Variants in MYO9B observed in about 807,000 individuals in gnomAD.
MYO9B encodes the protein myosin IXB.
A neutral mutation model predicts 229.5 loss-of-function variants in MYO9B; 71 were observed. The observed-to-expected ratio is 0.31, with a 90% CI of 0.26 to 0.38. MYO9B has a LOEUF of 0.38. Ranked by LOEUF, MYO9B falls within the 10% of genes least tolerant of loss-of-function variation. The pLI is 1.00. For missense variants in MYO9B, 2,255 were observed against 2,920.5 expected (o/e 0.77, Z 5.25); for synonymous variants, 1,185 against 1,235.8 (o/e 0.96, Z 0.86).
rs764273339 is a variant in MYO9B at position 17,145,417 on chromosome 19, A to G, written c.861A>G (p.Thr287=). The G allele has an allele frequency of 2.1e-5, 34 of 1,614,042 alleles. No homozygotes were observed. The South Asian group carries it at 2.5e-4, about 12-fold the overall frequency. The change falls in exon 3 of 40, where the codon ACA becomes ACG. Residue 287 remains threonine (T), a synonymous_variant. Transcript: ENST00000682292. ...TGCAGGCTTTTGGAAATGCCAAGAC[A>G]GCCCACAACAACAACTCCAGCCGGT... ...PVLEAFGNAK[T]AHNNNSSRFG...
At chr19:17,079,038 C>T (rs1430433930) in intron 1 of MYO9B, among the ~76,000 whole-genome samples, 1 of 152,216 alleles carries the variant, frequency 6.6e-6, no homozygotes, top group Admixed American at 6.5e-5. Flanking sequence ...CTGGCTGTCA[C>T]CCATGAGATG....
At chr19:17,183,567 CTT>C (rs748961557) in intron 15 of MYO9B, among the ~76,000 whole-genome samples, 3 of 152,246 alleles carry the variant, frequency 2.0e-5, no homozygotes, top group Non-Finnish European at 4.4e-5. Flanking sequence ...AGACTAAACA[CTT>C]TACTCAGCTT....
intron 18 of MYO9B, among the ~76,000 whole-genome samples, chr19:17,187,018 G>T (rs1011291285): frequency 6.6e-6 from 1 of 152,054 alleles, no homozygotes; most frequent in African/African-American, 2.4e-5. Flanking sequence ...GTAAGCCACC[G>T]CGCCCAGCAC....
intron 1 of MYO9B, among the ~76,000 whole-genome samples, chr19:17,097,075 G>A (rs1044138514): frequency 2.0e-5 from 3 of 151,760 alleles, no homozygotes; most frequent in Non-Finnish European, 2.9e-5. Context: ...AGGCCGAGGC[G>A]GGTGGATCAC....
At chr19:17,159,689 C>G (rs11673417) in intron 8 of MYO9B, among the ~76,000 whole-genome samples, 2,795 of 152,334 alleles carry the variant, frequency 0.018, 34 homozygotes, top group Middle Eastern at 0.092. Context: ...GAACTTGAGC[C>G]ACATGCATTC....
intron 14 of MYO9B, among the ~76,000 whole-genome samples, chr19:17,176,022 T>C (rs887974334): frequency 1.3e-5 from 2 of 150,742 alleles, no homozygotes; most frequent in African/African-American, 2.4e-5. Context: ...TTGTTTTTTG[T>C]TGGTTTTTGT....
chr19:17,081,832 AG>A (rs2057536388), intron 1 of MYO9B, among the ~76,000 whole-genome samples: 2 of 138,856 alleles, frequency 1.4e-5, no homozygotes, highest in African/African-American at 2.6e-5. Flanking sequence ...AAAAAAAAAG[AG>A]GCGAGGACCC....
intron 38 of MYO9B, among the ~76,000 whole-genome samples, chr19:17,211,271 G>A (rs375007768): frequency 3.9e-5 from 6 of 152,038 alleles, no homozygotes; most frequent in East Asian, 1.9e-4. Context: ...GTGAGCCACC[G>A]CACTCGGCCT....
intron 1 of MYO9B, among the ~76,000 whole-genome samples, chr19:17,081,030 A>C (rs2057529426): frequency 6.6e-6 from 1 of 151,938 alleles, no homozygotes; most frequent in Non-Finnish European, 1.5e-5. Flanking sequence ...TTATTTGTTT[A>C]TTTATTTTGG....
chr19:17,082,388 A>C (rs1271019516), intron 1 of MYO9B, among the ~76,000 whole-genome samples: 2 of 152,124 alleles, frequency 1.3e-5, no homozygotes, highest in Non-Finnish European at 2.9e-5. Flanking sequence ...CGAGGTGGGC[A>C]CCGCTGCTTC....
intron 14 of MYO9B, 61 bp from the exon 15 acceptor site, chr19:17,180,866 C>A: frequency 8.4e-7 from 1 of 1,185,616 alleles, no homozygotes; most frequent in Non-Finnish European, 1.2e-6. Context: ...CCCGAGGTGG[C>A]AGGCCTGCTT....
chr19:17,088,843 A>T (rs1301079289), intron 1 of MYO9B, among the ~76,000 whole-genome samples: 1 of 151,966 alleles, frequency 6.6e-6, no homozygotes. Context: ...GGTGCATGCC[A>T]CTATGCCCGG....
chr19:17,093,746 G>A (rs1188386661), intron 1 of MYO9B, among the ~76,000 whole-genome samples: 3 of 151,822 alleles, frequency 2.0e-5, no homozygotes, highest in African/African-American at 7.3e-5. Context: ...AGGCTGCGGT[G>A]CAGTAGTGCA....
At chr19:17,081,678 A>G (rs539349958) in intron 1 of MYO9B, among the ~76,000 whole-genome samples, 1 of 152,016 alleles carries the variant, frequency 6.6e-6, no homozygotes, top group East Asian at 1.9e-4. Flanking sequence ...GTGTAGTGGC[A>G]CACACCTGTA....
intron 2 of MYO9B, among the ~76,000 whole-genome samples, chr19:17,139,352 G>A (rs958644664): frequency 2.6e-5 from 4 of 152,110 alleles, no homozygotes; most frequent in African/African-American, 9.7e-5. Flanking sequence ...GCAAGGCCTA[G>A]GCAGGAAAAT....
intron 15 of MYO9B, among the ~76,000 whole-genome samples, chr19:17,182,816 T>C (rs1326270048): frequency 1.3e-5 from 2 of 152,102 alleles, no homozygotes; most frequent in Admixed American, 1.3e-4. Flanking sequence ...TAAATAAATA[T>C]ATTTACTTAT....
At chr19:17,162,086 A>G (rs1257382049) in intron 8 of MYO9B, among the ~76,000 whole-genome samples, 1 of 151,680 alleles carries the variant, frequency 6.6e-6, no homozygotes, top group Non-Finnish European at 1.5e-5. Flanking sequence ...CAGGCAGATC[A>G]CCTGAGGTCA....
rs774831776 is a variant in MYO9B, at chr19:17,211,746, G to A, written c.6030G>A (p.Glu2010=). ...CGGCCAGCACCGAGAGCCTGCTGGA[G>A]GAGCGGGCCGGGCGGGGGGCCTCGG... is the stretch of plus-strand genomic sequence containing the variant. ...ETSASTESLL[E]ERAGRGASEG... Residue 2010 remains glutamate (E), a synonymous_variant, in exon 39 of 40, where the codon GAG becomes GAA. Transcript: ENST00000682292. 1 of 1,613,196 alleles carries A rather than the reference G, an allele frequency of 6.2e-7. No individual in the cohort carries two copies. Among genetic ancestry groups the A allele is most frequent in the South Asian group, 1.1e-5 (1 of 91,054 alleles).
chr19:17,205,632 T>C (rs1350381175), intron 31 of MYO9B, among the ~76,000 whole-genome samples: 1 of 151,966 alleles, frequency 6.6e-6, no homozygotes, highest in Non-Finnish European at 1.5e-5. Flanking sequence ...GTGCATAAGG[T>C]TGGGGTCCTG....
Sources: allele counts gnomAD v4.1 joint callset (sites outside exome capture counted in the v4.1 genomes callset), GRCh38; gene constraint gnomAD v4.1.1; transcripts MANE v1.5; gene names NCBI Gene and HGNC (gene_info 2026-07-23, HGNC 2026-07-21).